The following KIAA1549L variants were observed in gnomAD, a reference collection of about 807,000 sequenced individuals.
KIAA1549L encodes KIAA1549 like.
In KIAA1549L, 88 loss-of-function variants were observed where a neutral mutation model predicts 160.7. The ratio of observed to expected loss-of-function variants is 0.55; its 90% CI spans 0.46 to 0.65. The LOEUF (loss-of-function observed/expected upper bound fraction) is 0.65. KIAA1549L is among the 30% of genes least tolerant of loss of function. The probability of loss-of-function intolerance (pLI) is 0.00; values close to 1 mark genes in which losing one functional copy is unlikely to be tolerated. For synonymous variants in KIAA1549L, 950 were observed against 976.7 expected (o/e 0.97, Z 0.51); for missense variants, 2,258 against 2,437.5 (o/e 0.93, Z 1.55).
At chr11:33,433,024 G>T (rs1024617815) in intron 1 of KIAA1549L, among the ~76,000 whole-genome samples, 1 of 152,208 alleles carries the variant, frequency 6.6e-6, no homozygotes, top group Non-Finnish European at 1.5e-5. Context: ...ATAGGCATGG[G>T]CAAAGACTTC....
intron 1 of KIAA1549L, among the ~76,000 whole-genome samples, chr11:33,421,498 G>A (rs936900543): frequency 2.6e-5 from 4 of 152,188 alleles, no homozygotes; most frequent in African/African-American, 4.8e-5. Flanking sequence ...TTACAGATGC[G>A]GACCTGCATT....
At chr11:33,492,025 A>G (rs529525910) in intron 1 of KIAA1549L, among the ~76,000 whole-genome samples, 1 of 152,266 alleles carries the variant, frequency 6.6e-6, no homozygotes, top group East Asian at 1.9e-4. Flanking sequence ...AACCCTCTCA[A>G]ACATCTAATG....
At chr11:33,548,623 A>C (rs559992633) in intron 4 of KIAA1549L, among the ~76,000 whole-genome samples, 1 of 152,286 alleles carries the variant, frequency 6.6e-6, no homozygotes, top group East Asian at 1.9e-4. Context: ...TAAATTGCCC[A>C]CTGCAGACAG....
intron 1 of KIAA1549L, among the ~76,000 whole-genome samples, chr11:33,511,051 A>G (rs1853216880): frequency 6.6e-6 from 1 of 152,248 alleles, no homozygotes; most frequent in Admixed American, 6.5e-5. Context: ...AAGGCTAAAC[A>G]TTAGTTTTCC....
At chr11:33,456,478 A>G (rs1851824441) in intron 1 of KIAA1549L, among the ~76,000 whole-genome samples, 1 of 152,060 alleles carries the variant, frequency 6.6e-6, no homozygotes, top group Non-Finnish European at 1.5e-5. Flanking sequence ...TGGCGCGATC[A>G]TGGCTCACTG....
In KIAA1549L at chr11:33,658,850, G is replaced by A. The variant is rs759232512; in HGVS notation, c.5959G>A (p.Gly1987Ser). 97 of 1,563,100 alleles carry A rather than the reference G, an allele frequency of 6.2e-5. No individual in the cohort carries two copies. Among genetic ancestry groups the A allele is most frequent in the Non-Finnish European group, 8.2e-5 (95 of 1,153,944 alleles). ...DSASFTQMSRGPVSVTQLDQS... is the reference protein window; with the variant it reads ...DSASFTQMSRSPVSVTQLDQS... ...CGCCTCCTTCACGCAGATGTCCAGA[G>A]GCCCTGTGTCCGTGACGCAGTTGGA... The change falls in exon 19 of 21, where the codon GGC becomes AGC. Residue 1987 changes from glycine to serine, a missense_variant. By Grantham distance (56) the Gly-to-Ser change is moderately conservative. Transcript: ENST00000658780.
chr11:33,667,750 A>AT (rs1852521049), intron 20 of KIAA1549L, 123 bp from the exon 21 acceptor site: 3 of 813,042 alleles, frequency 3.7e-6, no homozygotes, highest in Non-Finnish European at 5.7e-6. Context: ...TGTGGCTTCC[A>AT]TTTTCTTCTA....
intron 1 of KIAA1549L, among the ~76,000 whole-genome samples, chr11:33,441,743 C>T (rs1851511676): frequency 6.6e-6 from 1 of 152,116 alleles, no homozygotes. Flanking sequence ...TGTTCATATC[C>T]TTTGCCCACT....
At chr11:33,479,638 A>G (rs1403219847) in intron 1 of KIAA1549L, among the ~76,000 whole-genome samples, 2 of 152,200 alleles carry the variant, frequency 1.3e-5, no homozygotes, top group Non-Finnish European at 2.9e-5. Flanking sequence ...GCTTTCTGTT[A>G]TATTGGAATT....
chr11:33,536,808 C>A (rs7118946), intron 1 of KIAA1549L, among the ~76,000 whole-genome samples: 1 of 152,216 alleles, frequency 6.6e-6, no homozygotes, highest in Non-Finnish European at 1.5e-5. Context: ...GGCTCAACTC[C>A]TCTTTACAAC....
rs1554980359 is a variant in KIAA1549L, at chr11:33,464,509, T to TGTGC, written c.239-77287_239-77284dup. Among the ~76,000 whole-genome samples, 6 of 139,762 alleles carry TGTGC rather than the reference T, an allele frequency of 4.3e-5. No individual in the cohort carries two copies. In the East Asian group the frequency reaches 5.9e-4, roughly 14 times the overall value. The allele number at this position is 139,762 out of a possible 152,430, so 91.7% of individuals were successfully genotyped here. ...GTGTGTGTGTGTGTGTGTGTGTGTGTGTGCGTGCGCGCATGCCCCCCCCCA... is the reference window on the plus strand; with the variant it reads ...GTGTGTGTGTGTGTGTGTGTGTGTGTGTGCGTGCGTGCGCGCATGCCCCCCCCCA... On this transcript the variant is annotated intron_variant, in intron 1 of 20. Transcript: ENST00000658780.
At chr11:33,456,785 CTCTT>C (rs1413521270) in intron 1 of KIAA1549L, among the ~76,000 whole-genome samples, 1 of 152,196 alleles carries the variant, frequency 6.6e-6, no homozygotes, top group Admixed American at 6.5e-5. Flanking sequence ...ACCAATAAGT[CTCTT>C]TCCCCATGTA....
intron 1 of KIAA1549L, among the ~76,000 whole-genome samples, chr11:33,540,604 CAT>C (rs1355333280): frequency 2.0e-5 from 3 of 152,194 alleles, no homozygotes; most frequent in Non-Finnish European, 2.9e-5. Context: ...CATGTGGTAA[CAT>C]AGAAACACAA....
rs1554976199 is a variant in KIAA1549L, at chr11:33,430,041, T to TCCTTCCTTCCTTCCTTCCTC, written c.238+53159_238+53160insTCCTTCCTTCCTCCCTTCCT. 3.3e-4 allele frequency among the ~76,000 whole-genome samples: 46 copies of TCCTTCCTTCCTTCCTTCCTC among 140,498 alleles called. 1 individual carries two copies. Among genetic ancestry groups the TCCTTCCTTCCTTCCTTCCTC allele is most frequent in the African/African-American group, 1.2e-3 (43 of 35,896 alleles). 92.2% of individuals were successfully genotyped at this position (140,498 alleles called of 152,430 possible). On this transcript the variant is annotated intron_variant, in intron 1 of 20. Transcript: ENST00000658780. Reference sequence around the variant, plus strand: ...TTCCTTCCTTCCTTCCTTCCTTCCTTCCTTCCTCCCTTCCCTCTCTCCTCC... The same window carrying TCCTTCCTTCCTTCCTTCCTC: ...TTCCTTCCTTCCTTCCTTCCTTCCTTCCTTCCTTCCTTCCTTCCTCCCTTCCTCCCTTCCCTCTCTCCTCC...
chr11:33,581,826 G>T (rs192770928), intron 10 of KIAA1549L, among the ~76,000 whole-genome samples: 1 of 152,106 alleles, frequency 6.6e-6, no homozygotes, highest in Non-Finnish European at 1.5e-5. Context: ...ATGTGTCCAA[G>T]ATAAAATCTG....
intron 1 of KIAA1549L, among the ~76,000 whole-genome samples, chr11:33,534,492 A>G (rs532009618): frequency 6.6e-6 from 1 of 152,192 alleles, no homozygotes; most frequent in South Asian, 2.1e-4. Flanking sequence ...TTTTTGGGGG[A>G]AAGGAGAGAC....
rs1198782328 is a variant in KIAA1549L at position 33,542,314 on chromosome 11, T to C, written c.751T>C (p.Leu251=). The C allele has an allele frequency of 1.5e-6, 1 of 667,904 alleles. No homozygotes were observed. The highest frequency in any genetic ancestry group is 2.7e-5 in the East Asian group (1 of 36,404). The allele number at this position is 667,904 out of a possible 1,614,324, so 41.4% of individuals were successfully genotyped here. Residue 251 remains leucine, a synonymous_variant, in exon 2 of 21, where the codon TTG becomes CTG. Coordinates refer to ENST00000658780, the MANE Select transcript of KIAA1549L (RefSeq NM_012194.3). ...CCTCCCTCTACCTCCATCCTCTTCA[T>C]TGGCTCCTGACTCACCTCATTCCAT... ...PLLPLPPSSS[L]APDSPHSIIS...
chr11:33,618,205 G>A (rs1302069502), intron 15 of KIAA1549L, among the ~76,000 whole-genome samples: 1 of 152,234 alleles, frequency 6.6e-6, no homozygotes, highest in Non-Finnish European at 1.5e-5. Context: ...ATCAGCGTTA[G>A]CTGTCCTAGA....
At position 33,666,908 on chromosome 11, in the gene KIAA1549L, T is replaced by G. The variant is rs1852476522; in HGVS notation, c.6160-965T>G. On this transcript the variant is annotated intron_variant, in intron 20 of 20. Transcript: ENST00000658780. ...AATACCGACCTCCTAGCTTATTGCTTTGAGAACTAAATGAGATAATGTGTG... is the reference window on the plus strand; with the variant it reads ...AATACCGACCTCCTAGCTTATTGCTGTGAGAACTAAATGAGATAATGTGTG... Among the ~76,000 whole-genome samples the G allele has an allele frequency of 3.3e-5, 5 of 152,208 alleles. No homozygotes were observed. The South Asian group carries it at 1.0e-3, about 32-fold the overall frequency.
Sources: allele counts gnomAD v4.1 joint callset (sites outside exome capture counted in the v4.1 genomes callset), GRCh38; gene constraint gnomAD v4.1.1; transcripts MANE v1.5; gene names NCBI Gene and HGNC (gene_info 2026-07-23, HGNC 2026-07-21).